Variants in KCNH8 observed in about 807,000 individuals in gnomAD.
KCNH8 encodes the protein voltage-gated delayed rectifier potassium channel KCNH8.
KCNH8 carries 70 observed loss-of-function variants against 103.6 expected under a neutral mutation model. That is an observed-to-expected ratio of 0.68 (90% CI 0.56 to 0.82). The LOEUF is 0.82. Among genes scored for constraint, KCNH8 ranks in the 40% least tolerant of loss-of-function variants. The pLI is 0.00. For missense variants in KCNH8, 1,217 were observed against 1,329.9 expected (o/e 0.92, Z 1.32); for synonymous variants, 498 against 489.4 (o/e 1.02, Z -0.23).
intron 7 of KCNH8, among the ~76,000 whole-genome samples, chr3:19,398,334 A>G (rs1180599547): frequency 2.6e-5 from 4 of 151,960 alleles, no homozygotes; most frequent in African/African-American, 4.8e-5. Context: ...TAACTAGAAT[A>G]TCATCAAAGG....
chr3:19,496,265 C>A (rs2068439429), intron 11 of KCNH8, among the ~76,000 whole-genome samples: 1 of 152,174 alleles, frequency 6.6e-6, no homozygotes, highest in East Asian at 1.9e-4. Flanking sequence ...GCATCCCTGT[C>A]TTGCTCTGGT....
chr3:19,162,906 G>A (rs2063247921), intron 1 of KCNH8, among the ~76,000 whole-genome samples: 1 of 152,050 alleles, frequency 6.6e-6, no homozygotes, highest in Non-Finnish European at 1.5e-5. Flanking sequence ...AAATTTGGGG[G>A]AAAAGTAGAA....
At chr3:19,450,872 C>G (rs913730503) in intron 9 of KCNH8, 1 of 386,864 alleles carries the variant, frequency 2.6e-6, no homozygotes, top group African/African-American at 2.1e-5. Context: ...GACTAGGACT[C>G]TCTGTGAGAA....
intron 1 of KCNH8, among the ~76,000 whole-genome samples, chr3:19,158,479 A>G (rs2063202614): frequency 6.6e-6 from 1 of 151,822 alleles, no homozygotes; most frequent in East Asian, 1.9e-4. Context: ...CTAATTGAAA[A>G]AAATCCTGAT....
intron 1 of KCNH8, among the ~76,000 whole-genome samples, chr3:19,227,662 A>G (rs1411224034): frequency 1.3e-5 from 2 of 152,246 alleles, no homozygotes; most frequent in Admixed American, 6.5e-5. Flanking sequence ...AAAAGTAACC[A>G]GAATTTTTGA....
At chr3:19,253,587 A>T in intron 1 of KCNH8, 67 bp from the exon 2 acceptor site, 1 of 1,214,530 alleles carries the variant, frequency 8.2e-7, no homozygotes, top group Non-Finnish European at 1.2e-6. Flanking sequence ...GATAATTTAT[A>T]CAGGAATTGT....
intron 2 of KCNH8, among the ~76,000 whole-genome samples, chr3:19,258,789 A>G (rs1298273272): frequency 1.3e-5 from 2 of 151,652 alleles, no homozygotes; most frequent in Non-Finnish European, 2.9e-5. Flanking sequence ...GTGATTCTAC[A>G]TACTGGTCCA....
chr3:19,446,741 C>T (rs2067368334), intron 8 of KCNH8, among the ~76,000 whole-genome samples: 2 of 151,530 alleles, frequency 1.3e-5, no homozygotes, highest in South Asian at 4.2e-4. Flanking sequence ...TGATGTTATA[C>T]TCCAGGAGAT....
intron 1 of KCNH8, among the ~76,000 whole-genome samples, chr3:19,172,969 T>A (rs1029677814): frequency 6.6e-6 from 1 of 152,048 alleles, no homozygotes; most frequent in African/African-American, 2.4e-5. Context: ...CTGAGTTAGG[T>A]TAATTAAAGG....
chr3:19,401,178 C>T (rs1317088335), intron 7 of KCNH8, among the ~76,000 whole-genome samples: 3 of 152,070 alleles, frequency 2.0e-5, no homozygotes, highest in Non-Finnish European at 4.4e-5. Flanking sequence ...TCAAGACCCT[C>T]CTTTTTTAAA....
intron 11 of KCNH8, among the ~76,000 whole-genome samples, chr3:19,484,231 G>A (rs1034935051): frequency 2.0e-5 from 3 of 152,106 alleles, no homozygotes; most frequent in South Asian, 2.1e-4. Flanking sequence ...CATCTGGCTG[G>A]TCGTTTCCTG....
chr3:19,448,570 G>A (rs912568562), intron 8 of KCNH8, among the ~76,000 whole-genome samples: 4 of 152,070 alleles, frequency 2.6e-5, no homozygotes, highest in Middle Eastern at 3.4e-3. Context: ...TAAATGTAGG[G>A]GGAGAACAAG....
At chr3:19,516,347 C>G (rs986389632) in intron 14 of KCNH8, among the ~76,000 whole-genome samples, 2 of 152,144 alleles carry the variant, frequency 1.3e-5, no homozygotes, top group South Asian at 2.1e-4. Context: ...CTTTCCAGCA[C>G]TCATCATCTT....
chr3:19,395,199 C>G lies in KCNH8; in HGVS notation c.1065C>G (p.Val355=), dbSNP rs1168222731. Residue 355 remains valine (V), a synonymous_variant, in exon 7 of 16, where the codon GTC becomes GTG. Transcript: ENST00000328405. The part of the protein sequence containing the change: ...LDRYSQHSTI[V]LTLLMSMFAL... The stretch of plus-strand genomic sequence containing the variant: ...GCTATTCCCAACACAGTACTATCGT[C>G]CTGACTCTGCTCATGTCCATGTTTG... 1 of 1,609,862 alleles carries G rather than the reference C, an allele frequency of 6.2e-7. No individual in the cohort carries two copies.
chr3:19,202,049 C>G (rs2063668255), intron 1 of KCNH8, among the ~76,000 whole-genome samples: 1 of 152,098 alleles, frequency 6.6e-6, no homozygotes, highest in African/African-American at 2.4e-5. Context: ...CCAACAGTAT[C>G]ACTTCATAAA....
intron 2 of KCNH8, among the ~76,000 whole-genome samples, chr3:19,266,161 A>T (rs765879978): frequency 2.6e-5 from 4 of 151,610 alleles, no homozygotes; most frequent in Admixed American, 1.3e-4. Context: ...ATAAATAAAA[A>T]CTCTTCACTC....
chr3:19,182,831 C>G (rs879279358), intron 1 of KCNH8, among the ~76,000 whole-genome samples: 8 of 152,142 alleles, frequency 5.3e-5, no homozygotes, highest in Non-Finnish European at 1.0e-4. Flanking sequence ...TCGGCCAACA[C>G]ACAACTATTT....
chr3:19,307,105 G>A (rs1033965300), intron 3 of KCNH8, among the ~76,000 whole-genome samples: 2 of 151,676 alleles, frequency 1.3e-5, no homozygotes, highest in Non-Finnish European at 2.9e-5. Flanking sequence ...AAAGTGCCTA[G>A]AATACTCACT....
chr3:19,251,927 A>G (rs2064283029), intron 1 of KCNH8, among the ~76,000 whole-genome samples: 1 of 152,160 alleles, frequency 6.6e-6, no homozygotes, highest in Non-Finnish European at 1.5e-5. Flanking sequence ...AGCTCATATA[A>G]TAACATACTA....
Sources: gnomAD v4.1 joint callset for allele counts (sites outside exome capture counted in the v4.1 genomes callset) on GRCh38, gnomAD v4.1.1 for gene constraint, MANE v1.5 for transcripts, NCBI Gene and HGNC (gene_info 2026-07-23, HGNC 2026-07-21) for gene names.